The following GOLGB1 variants were observed in gnomAD, a reference collection of about 807,000 sequenced individuals.
GOLGB1 encodes golgin subfamily B member 1.
GOLGB1 carries 174 observed loss-of-function variants against 336.9 expected under a neutral mutation model. The ratio of observed to expected loss-of-function variants is 0.52; its 90% CI spans 0.46 to 0.59. GOLGB1 has a LOEUF of 0.59. Among genes scored for constraint, GOLGB1 ranks in the 20% least tolerant of loss-of-function variants. The pLI is 0.00. For missense variants in GOLGB1, 3,331 were observed against 3,645.3 expected (o/e 0.91, Z 2.22); for synonymous variants, 1,208 against 1,289.2 (o/e 0.94, Z 1.35).
At chr3:121,707,225 C>CAAAA (rs554313106) in intron 10 of GOLGB1, among the ~76,000 whole-genome samples, 2 of 93,626 alleles carry the variant, frequency 2.1e-5, no homozygotes, top group Non-Finnish European at 4.0e-5. Context: ...GACTCCATCT[C>CAAAA]AAAAAAAAAA....
chr3:121,693,639 T>G, intron 13 of GOLGB1, 102 bp downstream of exon 13: 1 of 856,412 alleles, frequency 1.2e-6, no homozygotes, highest in Non-Finnish European at 1.8e-6. Flanking sequence ...TGGACATTTA[T>G]GCCAAAATTA....
chr3:121,681,552 G>GT, intron 15 of GOLGB1, 135 bp downstream of exon 15: 1 of 649,156 alleles, frequency 1.5e-6, no homozygotes, highest in Non-Finnish European at 2.7e-6. Context: ...CTACAGTTAT[G>GT]TAAGATGTCA....
intron 8 of GOLGB1, 59 bp downstream of exon 8, chr3:121,718,329 C>A: frequency 1.8e-6 from 2 of 1,086,212 alleles, no homozygotes; most frequent in South Asian, 1.3e-5. Flanking sequence ...TACTGCCTGG[C>A]AAACGAAAGT....
rs1942359387 is a variant in GOLGB1, at chr3:121,690,982, G to C, written c.8382C>G (p.Ala2794=). The change falls in exon 14 of 22, where the codon GCC becomes GCG. Residue 2794 remains alanine, a synonymous_variant. Coordinates refer to ENST00000614479, the MANE Select transcript of GOLGB1 (RefSeq NM_001366282.2). ...TCTCCTCAGTGGAGTTCATTGAAAA[G>C]GCGGTTTCAGAAAGAAGAGCATCTC... ...RERDALLSET[A]FSMNSTEENS... 2 of 1,613,946 alleles carry C rather than the reference G, an allele frequency of 1.2e-6. No individual in the cohort carries two copies. The highest frequency in any genetic ancestry group is 1.7e-5 in the Admixed American group (1 of 59,994).
At chr3:121,679,916 G>A (rs951228365) in intron 15 of GOLGB1, among the ~76,000 whole-genome samples, 5 of 152,222 alleles carry the variant, frequency 3.3e-5, no homozygotes, top group African/African-American at 9.6e-5. Context: ...TATCAGAAGA[G>A]ATCAAGTGGG....
At position 121,726,180 on chromosome 3, in the gene GOLGB1, A is replaced by C. The variant is rs531404758; in HGVS notation, c.531+733T>G. Among the ~76,000 whole-genome samples the C allele has an allele frequency of 5.9e-5, 9 of 151,512 alleles. No homozygotes were observed. In the South Asian group the frequency reaches 1.9e-3, roughly 32 times the overall value. ...AGGCATGGTGGCTCACACCTGTAAT[A>C]CCAGCACTTTGGGAGGCCCAGGCAG... On this transcript the variant is annotated intron_variant, in intron 5 of 21. Transcript: ENST00000614479.
rs759460081 is a variant in GOLGB1 at position 121,696,773 on chromosome 3, G to A, written c.3750C>T (p.Asp1250=). The change falls in exon 13 of 22, where the codon GAC becomes GAT. Residue 1250 remains aspartate, a synonymous_variant. Transcript: ENST00000614479. The stretch of plus-strand genomic sequence containing the variant: ...GCTGGTCTGTGCTTGGGAGTTTTCC[G>A]TCTATGGATTCCCTTACTTGAATCT... ...QLQIQVRESI[D]GKLPSTDQQE... The A allele has an allele frequency of 3.7e-5, 59 of 1,613,976 alleles. No individual in the cohort carries two copies. The highest frequency in any genetic ancestry group is 4.3e-5 in the Non-Finnish European group (51 of 1,179,980).
chr3:121,691,428 C>T lies in GOLGB1; in HGVS notation c.7936G>A (p.Val2646Ile), dbSNP rs762281195. 3.7e-6 allele frequency: 6 copies of T among 1,613,660 alleles called. No homozygotes were observed. In the South Asian group the frequency reaches 5.5e-5, roughly 15 times the overall value. ...GAAAACAAAGCACTTAACCTGTGTA[C>T]CTCTTCTTCTTTTACTTTTAACTGG... is the stretch of plus-strand genomic sequence containing the variant. ...HAQLKVKEEE[V>I]HRLSALFSSS... Residue 2646 changes from valine (V) to isoleucine (I), a missense_variant, in exon 14 of 22, where the codon GTA becomes ATA. Transcript: ENST00000614479.
At chr3:121,735,360 T>C (rs1178145642) in intron 1 of GOLGB1, among the ~76,000 whole-genome samples, 1 of 152,206 alleles carries the variant, frequency 6.6e-6, no homozygotes, top group African/African-American at 2.4e-5. Context: ...GATCTAACTA[T>C]ATTATAAATA....
In GOLGB1 at chr3:121,681,790, C is replaced by A; in HGVS notation, c.8770G>T (p.Ala2924Ser). The A allele has an allele frequency of 6.3e-7, 1 of 1,597,310 alleles. No homozygotes were observed. The highest frequency in any genetic ancestry group is 8.6e-7 in the Non-Finnish European group (1 of 1,164,838). ...QEITELHPLK[A>S]QLQEYQDKTK... ...TTATCTTGATACTCCTGAAGTTGAG[C>A]CTTCAGTGGATGTAACTCAGTGATC... Residue 2924 changes from alanine to serine, a missense_variant, in exon 15 of 22, where the codon GCT becomes TCT. Transcript: ENST00000614479.
At chr3:121,713,394 A>T (rs1944503617) in intron 10 of GOLGB1, among the ~76,000 whole-genome samples, 1 of 152,248 alleles carries the variant, frequency 6.6e-6, no homozygotes, top group Non-Finnish European at 1.5e-5. Context: ...AATGCAGTAC[A>T]ATCATGCAAA....
At chr3:121,711,285 A>T (rs184133010) in intron 10 of GOLGB1, among the ~76,000 whole-genome samples, 30 of 152,262 alleles carry the variant, frequency 2.0e-4, no homozygotes, top group Admixed American at 9.2e-4. Flanking sequence ...AGAAATATAA[A>T]AAAAAAATTA....
In GOLGB1 at chr3:121,694,345, C is replaced by G. The variant is rs2107814029; in HGVS notation, c.6178G>C (p.Asp2060His). ...AGATTTTCTTTGGTTATTTCCAAAT[C>G]TTTTTGAGATTCAGTTTGAACAAAT... ...LEFVQTESQK[D>H]LEITKENLAQ... Residue 2060 changes from aspartate to histidine, a missense_variant, in exon 13 of 22, where the codon GAT (aspartate) becomes CAT (histidine). Transcript: ENST00000614479. 6.2e-7 allele frequency: 1 copy of G among 1,612,340 alleles called. No homozygotes were observed. Among genetic ancestry groups the G allele is most frequent in the South Asian group, 1.1e-5 (1 of 90,796 alleles).
At chr3:121,726,684 T>C (rs1360471026) in intron 5 of GOLGB1, among the ~76,000 whole-genome samples, 4 of 151,940 alleles carry the variant, frequency 2.6e-5, no homozygotes, top group Admixed American at 6.6e-5. Context: ...TGTGAAACCA[T>C]ATATTGAAAG....
At chr3:121,701,216 A>G (rs1444580028) in intron 11 of GOLGB1, among the ~76,000 whole-genome samples, 2 of 152,210 alleles carry the variant, frequency 1.3e-5, no homozygotes, top group Non-Finnish European at 2.9e-5. Flanking sequence ...CCTGCAGGAA[A>G]GAGCAAAGGA....
chr3:121,698,863 C>T lies in GOLGB1; in HGVS notation c.1660G>A (p.Glu554Lys). The stretch of plus-strand genomic sequence containing the variant: ...TTATGTTTCTGAGAAAATGTGTTTT[C>T]TAGAACATCTTGTCCACTTTCCTCA... ...SAEESGQDVL[E>K]NTFSQKHKEL... Residue 554 changes from glutamate to lysine, a missense_variant, in exon 13 of 22, where the codon GAA (glutamate) becomes AAA (lysine). Transcript: ENST00000614479. 4.3e-6 allele frequency: 7 copies of T among 1,610,218 alleles called. No homozygotes were observed. The highest frequency in any genetic ancestry group is 5.9e-6 in the Non-Finnish European group (7 of 1,177,380).
At chr3:121,746,920 T>C (rs1195067928) in intron 1 of GOLGB1, among the ~76,000 whole-genome samples, 1 of 151,902 alleles carries the variant, frequency 6.6e-6, no homozygotes. Context: ...TGGGTGAAGA[T>C]ACACAGAAAA....
chr3:121,684,703 AT>A (rs1174731156), intron 14 of GOLGB1, among the ~76,000 whole-genome samples: 6 of 152,244 alleles, frequency 3.9e-5, no homozygotes, highest in Non-Finnish European at 8.8e-5. Flanking sequence ...CAGCAAAACT[AT>A]CAATCAGATA....
At position 121,694,782 on chromosome 3, in the gene GOLGB1, G is replaced by A. The variant is rs202244897; in HGVS notation, c.5741C>T (p.Thr1914Ile). The A allele has an allele frequency of 4.8e-4, 769 of 1,612,586 alleles. No homozygotes were observed. Among genetic ancestry groups the A allele is most frequent in the Non-Finnish European group, 6.3e-4 (738 of 1,179,574 alleles). ...QQIQEELSRV[T>I]KLKETAEEEK... ...TTCTTCTGCTGTCTCCTTTAGTTTG[G>A]TAACTCTGGAGAGTTCTTCTTGGAT... The change falls in exon 13 of 22, where the codon ACC (threonine) becomes ATC (isoleucine). Residue 1914 changes from threonine (T) to isoleucine (I), a missense_variant. Thr to Ile is a moderately conservative substitution (Grantham distance 89, BLOSUM62 -1). Coordinates refer to ENST00000614479, the MANE Select transcript of GOLGB1 (RefSeq NM_001366282.2).
Sources: allele counts gnomAD v4.1 joint callset (sites outside exome capture counted in the v4.1 genomes callset), GRCh38; gene constraint gnomAD v4.1.1; transcripts MANE v1.5; gene names NCBI Gene and HGNC (gene_info 2026-07-23, HGNC 2026-07-21).